FREM1: variants seen among roughly 807,000 people sequenced by gnomAD.
FREM1 encodes the protein FRAS1-related extracellular matrix protein 1.
A neutral mutation model predicts 210.1 loss-of-function variants in FREM1; 220 were observed. The observed-to-expected ratio is 1.05, with a 90% CI of 0.94 to 1.17. The LOEUF (loss-of-function observed/expected upper bound fraction) is 1.17. Ranked by LOEUF, FREM1 falls within the 50% of genes most tolerant of loss-of-function variation. The probability of loss-of-function intolerance (pLI) is 0.00; values close to 1 mark genes in which losing one functional copy is unlikely to be tolerated. For synonymous variants in FREM1, 1,189 were observed against 980.2 expected, an observed-to-expected ratio of 1.21 and a Z score of -3.98; for missense variants, 3,454 against 2,675.5, an observed-to-expected ratio of 1.29 and a Z score of -6.42.
chr9:14,885,381 T>C (rs928549427), intron 1 of FREM1, among the ~76,000 whole-genome samples: 3 of 152,140 alleles, frequency 2.0e-5, no homozygotes, highest in African/African-American at 7.2e-5. Flanking sequence ...TTATTTTTAA[T>C]TGAAAAATAA....
At chr9:14,871,183 C>T (rs1382304270) in intron 1 of FREM1, among the ~76,000 whole-genome samples, 1 of 152,154 alleles carries the variant, frequency 6.6e-6, no homozygotes, top group Non-Finnish European at 1.5e-5. Context: ...AATGGGATGG[C>T]TGGGTCAAAT....
intron 20 of FREM1, among the ~76,000 whole-genome samples, chr9:14,798,937 G>C (rs917045492): frequency 1.3e-5 from 2 of 150,258 alleles, no homozygotes; most frequent in Non-Finnish European, 3.0e-5. Context: ...GCCTCCCAAA[G>C]TGCTGGGATT....
rs748576833 is a variant in FREM1, at chr9:14,812,828, C to T, written c.2877G>A (p.Val959=). Residue 959 remains valine (V), a synonymous_variant, in exon 16 of 37, where the codon GTG becomes GTA. Coordinates refer to ENST00000380880, the MANE Select transcript of FREM1 (RefSeq NM_001379081.2). Reference sequence around the variant, plus strand: ...GCTGCTTACCTGTGTGTTTGTATGTCACGGCCTCTGAGATAACATCTCTCT... The same window carrying T: ...GCTGCTTACCTGTGTGTTTGTATGTTACGGCCTCTGAGATAACATCTCTCT... ...FSQRDVISEA[V]TYKHTGGEIG... The T allele has an allele frequency of 1.8e-5, 29 of 1,610,466 alleles. No individual in the cohort carries two copies. Among genetic ancestry groups the T allele is most frequent in the Non-Finnish European group, 2.4e-5 (28 of 1,177,958 alleles).
chr9:14,754,956 A>C (rs1216845796), intron 29 of FREM1, among the ~76,000 whole-genome samples: 3 of 152,110 alleles, frequency 2.0e-5, no homozygotes, highest in Non-Finnish European at 4.4e-5. Flanking sequence ...AGGGGCAGGG[A>C]CTTTATAACA....
intron 10 of FREM1, among the ~76,000 whole-genome samples, chr9:14,829,870 G>C (rs760138314): frequency 6.6e-6 from 1 of 152,120 alleles, no homozygotes; most frequent in Non-Finnish European, 1.5e-5. Context: ...ATCCAGGAGA[G>C]AGTAATATTA....
intron 1 of FREM1, among the ~76,000 whole-genome samples, chr9:14,889,042 G>C (rs1836315350): frequency 6.6e-6 from 1 of 151,894 alleles, no homozygotes; most frequent in Non-Finnish European, 1.5e-5. Flanking sequence ...TTTAATTTGT[G>C]CATTATAGCC....
chr9:14,890,898 A>G (rs1417390464), intron 1 of FREM1, among the ~76,000 whole-genome samples: 2 of 152,264 alleles, frequency 1.3e-5, no homozygotes, highest in African/African-American at 2.4e-5. Context: ...GGAAATGGCC[A>G]TAACTTAAAA....
In FREM1 at chr9:14,801,868, C is replaced by T. The variant is rs145337987; in HGVS notation, c.3478G>A (p.Glu1160Lys). 8.3e-4 allele frequency: 1,335 copies of T among 1,609,884 alleles called. 7 individuals are homozygous for T. The African/African-American group carries it at 0.016, about 19-fold the overall frequency. The stretch of plus-strand genomic sequence containing the variant: ...GAGTCCAGCTCTTTCATCTGACCCT[C>T]ACACACCTGAGCAAGAACACATGAG... ...DFVVQNITVC[E>K]GQMKELDSSI... The change falls in exon 20 of 37, where the codon GAG becomes AAG. Residue 1160 changes from glutamate to lysine, a missense_variant. Glu to Lys is a moderately conservative substitution (Grantham distance 56). Coordinates refer to ENST00000380880, the MANE Select transcript of FREM1 (RefSeq NM_001379081.2).
chr9:14,865,216 C>T (rs1401977221), intron 2 of FREM1, among the ~76,000 whole-genome samples: 1 of 152,128 alleles, frequency 6.6e-6, no homozygotes, highest in African/African-American at 2.4e-5. Flanking sequence ...TTTCTTACCG[C>T]TATATTTCCT....
chr9:14,874,253 T>G (rs2131978998), intron 1 of FREM1, among the ~76,000 whole-genome samples: 1 of 152,174 alleles, frequency 6.6e-6, no homozygotes, highest in African/African-American at 2.4e-5. Flanking sequence ...ATCTGTCTAA[T>G]GTTGACAGTG....
chr9:14,806,700 A>G lies in FREM1; in HGVS notation c.3235T>C (p.Ser1079Pro). Residue 1079 changes from serine (S) to proline (P), a missense_variant, in exon 18 of 37, where the codon TCT (serine) becomes CCT (proline). Transcript: ENST00000380880. ...ATATTGCTTTTTTCAAAACCCACAG[A>G]AGGGAGTATATTTTCGAGGTAGCCA... The part of the protein sequence containing the change: ...QFGYLENILP[S>P]VGFEKSNIGI... The G allele has an allele frequency of 6.2e-7, 1 of 1,602,916 alleles. No homozygotes were observed. The highest frequency in any genetic ancestry group is 1.3e-5 in the African/African-American group (1 of 74,882).
rs1244932908 is a variant in FREM1 at position 14,842,525 on chromosome 9, A to G, written c.1529T>C (p.Phe510Ser). ...ATCTTTGGGCAAGACGTTGATGGGGAATTTGTGACGGATGCTGTGATGGCC... is the reference window on the plus strand; with the variant it reads ...ATCTTTGGGCAAGACGTTGATGGGGGATTTGTGACGGATGCTGTGATGGCC... ...FDGHHSIRHK[F>S]PINVLPKDDS... Residue 510 changes from phenylalanine (F) to serine (S), a missense_variant, in exon 9 of 37, where the codon TTC becomes TCC. Phe to Ser is a radical substitution (Grantham distance 155, BLOSUM62 -2). Transcript: ENST00000380880. The G allele has an allele frequency of 3.1e-6, 5 of 1,614,004 alleles. No individual in the cohort carries two copies. Among genetic ancestry groups the G allele is most frequent in the Non-Finnish European group, 4.2e-6 (5 of 1,179,874 alleles).
At chr9:14,769,039 G>T (rs1847029318) in intron 27 of FREM1, among the ~76,000 whole-genome samples, 1 of 152,158 alleles carries the variant, frequency 6.6e-6, no homozygotes, top group South Asian at 2.1e-4. Context: ...TCTGTTAGCT[G>T]GTAAGATATT....
At chr9:14,824,237 T>A in intron 11 of FREM1, 122 bp from the exon 12 acceptor site, 2 of 626,958 alleles carry the variant, frequency 3.2e-6, no homozygotes, top group Non-Finnish European at 5.7e-6. Context: ...TCTATCTTTA[T>A]ATTCTCTCTT....
chr9:14,883,466 C>T (rs1289953870), intron 1 of FREM1, among the ~76,000 whole-genome samples: 1 of 152,076 alleles, frequency 6.6e-6, no homozygotes, highest in Non-Finnish European at 1.5e-5. Context: ...TGTGGACATT[C>T]CATGGAAAAT....
intron 7 of FREM1, among the ~76,000 whole-genome samples, chr9:14,847,951 T>A (rs1209205767): frequency 6.6e-6 from 1 of 152,234 alleles, no homozygotes; most frequent in Non-Finnish European, 1.5e-5. Context: ...ATGTTCTCTA[T>A]CTCTGCTGAA....
Position 14,769,857 on chromosome 9 carries a change from G to A in FREM1, c.5071C>T (p.His1691Tyr), listed in dbSNP as rs1304650233. ...AAGTCCTTTTGGCTAAATTTCTCAT[G>A]GATAAATTCACCTAAAAAAAGAAAT... Reference protein sequence around the residue: ...LENTTTGEFIHEKFSQKDLNS... With the variant: ...LENTTTGEFIYEKFSQKDLNS... Residue 1691 changes from histidine (H) to tyrosine (Y), a missense_variant, in exon 27 of 37, where the codon CAT becomes TAT. Physicochemically the swap from His to Tyr is moderately conservative, Grantham distance 83. Coordinates refer to ENST00000380880, the MANE Select transcript of FREM1 (RefSeq NM_001379081.2). The A allele has an allele frequency of 8.0e-6, 12 of 1,496,708 alleles. No individual in the cohort carries two copies. In the South Asian group the frequency reaches 1.2e-4, roughly 14 times the overall value. 92.7% of individuals were successfully genotyped at this position (1,496,708 alleles called of 1,614,324 possible).
At chr9:14,789,781 G>A (rs916928855) in intron 22 of FREM1, among the ~76,000 whole-genome samples, 2 of 152,208 alleles carry the variant, frequency 1.3e-5, no homozygotes, top group African/African-American at 4.8e-5. Context: ...TACAGAGCTT[G>A]ATGCAGAAAT....
chr9:14,738,292 T>G (rs1587597677), intron 36 of FREM1, among the ~76,000 whole-genome samples: 1 of 152,154 alleles, frequency 6.6e-6, no homozygotes, highest in Non-Finnish European at 1.5e-5. Context: ...AGAAAGGAAC[T>G]CCCTGCCATA....
Sources: gnomAD v4.1 joint callset for allele counts (sites outside exome capture counted in the v4.1 genomes callset) on GRCh38, gnomAD v4.1.1 for gene constraint, MANE v1.5 for transcripts, NCBI Gene and HGNC (gene_info 2026-07-23, HGNC 2026-07-21) for gene names.